HDAC9: variants seen among roughly 807,000 people sequenced by gnomAD.
HDAC9 encodes the protein histone deacetylase 9, also known as MEF-2 interacting transcription repressor (MITR) protein.
A neutral mutation model predicts 139.4 loss-of-function variants in HDAC9; 41 were observed. The observed-to-expected ratio is 0.29, with a 90% confidence interval of 0.23 to 0.38. HDAC9 has a LOEUF of 0.38. Among genes scored for constraint, HDAC9 ranks in the 10% least tolerant of loss-of-function variants. The pLI, the probability that HDAC9 is intolerant of heterozygous loss-of-function variation, is 1.00. For missense variants in HDAC9, 1,147 were observed against 1,297.0 expected, an observed-to-expected ratio of 0.88 and a Z score of 1.78; for synonymous variants, 517 against 476.2, an observed-to-expected ratio of 1.09 and a Z score of -1.12.
At chr7:18,651,836 T>G (rs182385699) in intron 11 of HDAC9, among the ~76,000 whole-genome samples, 1 of 152,136 alleles carries the variant, frequency 6.6e-6, no homozygotes, top group African/African-American at 2.4e-5. Context: ...TTCAAGGGCT[T>G]AGCAGAAATA....
At chr7:18,451,459 A>G (rs1424949816) in intron 1 of HDAC9, among the ~76,000 whole-genome samples, 3 of 150,776 alleles carry the variant, frequency 2.0e-5, no homozygotes, top group Non-Finnish European at 2.9e-5. Context: ...ATATGTATAT[A>G]TATATGCATA....
intron 2 of HDAC9, among the ~76,000 whole-genome samples, chr7:18,281,156 A>T (rs1006404252): frequency 6.6e-6 from 1 of 152,220 alleles, no homozygotes; most frequent in African/African-American, 2.4e-5. Context: ...GTCTAAGATG[A>T]TACAAGGTGG....
At chr7:18,729,557 A>T (rs983216067) in intron 13 of HDAC9, among the ~76,000 whole-genome samples, 4 of 152,170 alleles carry the variant, frequency 2.6e-5, no homozygotes, top group African/African-American at 4.8e-5. Context: ...CCAAATGGAT[A>T]GGGTTTGTAG....
intron 1 of HDAC9, among the ~76,000 whole-genome samples, chr7:18,362,730 A>T (rs1218497140): frequency 6.6e-6 from 1 of 152,160 alleles, no homozygotes; most frequent in East Asian, 1.9e-4. Flanking sequence ...CTTGCTGGTG[A>T]CTTTAAATTT....
intron 2 of HDAC9, among the ~76,000 whole-genome samples, chr7:18,247,349 C>A (rs1794623627): frequency 6.6e-6 from 1 of 151,816 alleles, no homozygotes; most frequent in African/African-American, 2.4e-5. Flanking sequence ...CAGAAAAAAA[C>A]TATAAAAGAA....
At chr7:18,374,650 G>A (rs577723630) in intron 1 of HDAC9, among the ~76,000 whole-genome samples, 1 of 151,936 alleles carries the variant, frequency 6.6e-6, no homozygotes, top group African/African-American at 2.4e-5. Context: ...TGGGACCACT[G>A]TATATGTGTT....
chr7:18,966,745 T>C (rs1783882106), intron 24 of HDAC9, among the ~76,000 whole-genome samples: 2 of 151,888 alleles, frequency 1.3e-5, no homozygotes, highest in Non-Finnish European at 2.9e-5. Flanking sequence ...AGGGGAAAAT[T>C]TGAGAAATCA....
At chr7:18,223,829 A>T (rs1170700137) in intron 2 of HDAC9, among the ~76,000 whole-genome samples, 1 of 152,122 alleles carries the variant, frequency 6.6e-6, no homozygotes, top group Non-Finnish European at 1.5e-5. Flanking sequence ...TATCTAAGGG[A>T]AAGTCTCCCT....
At chr7:18,413,894 A>G (rs146556260) in intron 1 of HDAC9, among the ~76,000 whole-genome samples, 224 of 152,242 alleles carry the variant, frequency 1.5e-3, no homozygotes, top group African/African-American at 5.1e-3. Context: ...TGTTAAGGTA[A>G]ACATACTTTA....
chr7:18,407,029 G>A (rs1032231778), intron 1 of HDAC9, among the ~76,000 whole-genome samples: 17 of 152,096 alleles, frequency 1.1e-4, no homozygotes, highest in Non-Finnish European at 1.5e-5. Flanking sequence ...AATTAAAGGT[G>A]TATCAATATG....
chr7:18,640,225 C>T (rs529665858), intron 8 of HDAC9, among the ~76,000 whole-genome samples: 1 of 150,676 alleles, frequency 6.6e-6, no homozygotes, highest in Admixed American at 6.6e-5. Context: ...TAGAAAGACC[C>T]TGTCTCTACA....
chr7:18,337,578 T>G (rs1781674704), intron 1 of HDAC9, among the ~76,000 whole-genome samples: 1 of 151,774 alleles, frequency 6.6e-6, no homozygotes, highest in South Asian at 2.1e-4. Context: ...CTCATCTTCC[T>G]TGCAAGGGCA....
At chr7:18,404,110 G>A (rs1787790448) in intron 1 of HDAC9, among the ~76,000 whole-genome samples, 2 of 152,176 alleles carry the variant, frequency 1.3e-5, no homozygotes, top group Non-Finnish European at 2.9e-5. Context: ...CAATAAGGAT[G>A]AGGCAATACG....
At chr7:18,567,278 C>T (rs1483861146) in intron 2 of HDAC9, among the ~76,000 whole-genome samples, 2 of 152,006 alleles carry the variant, frequency 1.3e-5, no homozygotes, top group African/African-American at 4.8e-5. Flanking sequence ...GGCTATACTT[C>T]TCCCCCCTAA....
chr7:18,434,807 C>G (rs1427042407), intron 1 of HDAC9, among the ~76,000 whole-genome samples: 1 of 151,956 alleles, frequency 6.6e-6, no homozygotes, highest in Non-Finnish European at 1.5e-5. Flanking sequence ...GTAAATTAGT[C>G]CAGCCATTGT....
intron 22 of HDAC9, 109 bp from the exon 23 acceptor site, chr7:18,935,700 C>A: frequency 2.1e-6 from 2 of 957,204 alleles, no homozygotes; most frequent in East Asian, 2.4e-5. Flanking sequence ...AGTTAGCACA[C>A]AGAAAATGCT....
intron 1 of HDAC9, among the ~76,000 whole-genome samples, chr7:18,477,837 T>C (rs1795236399): frequency 6.6e-6 from 1 of 152,164 alleles, no homozygotes; most frequent in East Asian, 1.9e-4. Flanking sequence ...GTAACTACCA[T>C]CTGCCCTTTC....
intron 13 of HDAC9, 81 bp from the exon 14 acceptor site, chr7:18,748,924 G>T (rs1788211996): frequency 9.4e-6 from 12 of 1,273,612 alleles, no homozygotes; most frequent in South Asian, 5.8e-5. Flanking sequence ...GACTTTTTTG[G>T]AGTTATCATA....
At chr7:18,770,402 C>G (rs1176342320) in intron 16 of HDAC9, among the ~76,000 whole-genome samples, 1 of 152,102 alleles carries the variant, frequency 6.6e-6, no homozygotes, top group South Asian at 2.1e-4. Context: ...AGAGCCAGTG[C>G]AGGATCTCTT....
Sources: allele counts gnomAD v4.1 joint callset (sites outside exome capture counted in the v4.1 genomes callset), GRCh38; gene constraint gnomAD v4.1.1; transcripts MANE v1.5; gene names NCBI Gene and HGNC (gene_info 2026-07-23, HGNC 2026-07-21).